CD36: variants seen among roughly 807,000 people sequenced by gnomAD.
The protein encoded by CD36 is platelet glycoprotein 4.
Under a neutral mutation model 55.2 loss-of-function variants are expected in CD36, and 119 were observed. The observed-to-expected ratio is 2.15, with a 90% confidence interval of 1.86 to 2.51. The LOEUF (loss-of-function observed/expected upper bound fraction) is 2.51, where lower values mean the gene tolerates loss of function less well. Among genes scored for constraint, CD36 ranks in the 30% most tolerant of loss-of-function variants. The pLI, the probability that CD36 is intolerant of heterozygous loss-of-function variation, is 0.00. For synonymous variants in CD36, 186 were observed against 193.6 expected (o/e 0.96, Z 0.33); for missense variants, 819 against 555.5 (o/e 1.47, Z -4.77).
intron 3 of CD36, 151 bp from the exon 4 acceptor site, chr7:80,656,389 G>C (rs1006418735): frequency 3.7e-5 from 24 of 647,620 alleles, no homozygotes; most frequent in Non-Finnish European, 6.4e-5. Context: ...CATTTCTGCT[G>C]CAAGTGTATG....
upstream of CD36, among the ~76,000 whole-genome samples, chr7:80,635,161 G>T (rs545962930): frequency 6.6e-6 from 1 of 152,046 alleles, no homozygotes; most frequent in Non-Finnish European, 1.5e-5. Context: ...GGGGATTGAG[G>T]CCTCTCATTG....
At position 80,672,764 on chromosome 7, in the gene CD36, TTTTAGATAACTGGATTCAC is replaced by T. The variant is rs1562825089; in HGVS notation, c.1126-1_1143del. On this transcript the variant is annotated splice_acceptor_variant and splice_polypyrimidine_tract_variant and coding_sequence_variant and intron_variant, in exon 12 of 15. Coordinates refer to ENST00000447544, the MANE Select transcript of CD36 (RefSeq NM_001001548.3). LOFTEE classifies it high-confidence loss of function. ...GTTGGTAATTATTTAGTTGTTCTCT[TTTTAGATAACTGGATTCAC>T]TTTACAATTTGCAAAACGGCTGCAG... 2.5e-6 allele frequency: 4 copies of T among 1,596,628 alleles called. No individual in the cohort carries two copies. The Admixed American group carries it at 6.7e-5, about 27-fold the overall frequency.
rs746478841 is a variant in CD36 at position 80,646,699 on chromosome 7, G to C, written c.-42G>C. ...TTTAATCATATCCAGGAGTTTGCAAGAAACAGGTGCTTAACACTAATTCAC... is the reference window on the plus strand; with the variant it reads ...TTTAATCATATCCAGGAGTTTGCAACAAACAGGTGCTTAACACTAATTCAC... On this transcript the variant is annotated 5_prime_UTR_variant, in exon 3 of 15. Transcript: ENST00000447544. The C allele has an allele frequency of 1.5e-5, 24 of 1,613,244 alleles. No homozygotes were observed. Among genetic ancestry groups the C allele is most frequent in the Non-Finnish European group, 1.9e-5 (22 of 1,179,422 alleles).
intron 6 of CD36, 93 bp from the exon 7 acceptor site, chr7:80,664,313 C>T: frequency 1.3e-6 from 1 of 756,654 alleles, no homozygotes; most frequent in East Asian, 2.5e-5. Context: ...ATTTGAGTAA[C>T]CAGTGATTGA....
chr7:80,646,283 T>C, intron 2 of CD36, 102 bp downstream of exon 2: 1 of 202,960 alleles, frequency 4.9e-6, no homozygotes, highest in African/African-American at 2.3e-5. Context: ...AGAAGGGGTG[T>C]GGAAGGTTGT....
At chr7:80,642,264 C>T (rs1487979793) in intron 1 of CD36, among the ~76,000 whole-genome samples, 2 of 152,026 alleles carry the variant, frequency 1.3e-5, no homozygotes, top group Admixed American at 6.6e-5. Context: ...GGACAAGTAA[C>T]AATTAGTAAA....
At chr7:80,664,377 A>T (rs1347940739) in intron 6 of CD36, 29 bp from the exon 7 acceptor site, 1 of 1,167,670 alleles carries the variant, frequency 8.6e-7, no homozygotes, top group Non-Finnish European at 1.3e-6. Context: ...GACTTGTAGA[A>T]GTAACATTTT....
At chr7:80,676,303 A>C (rs971196745) in intron 14 of CD36, 81 bp from the exon 15 acceptor site, 1 of 152,024 alleles carries the variant, frequency 6.6e-6, no homozygotes, top group Non-Finnish European at 1.5e-5. Context: ...TGTTATGAAA[A>C]TCTCTACCTT....
At chr7:80,669,450 A>T (rs1278623225) in intron 8 of CD36, among the ~76,000 whole-genome samples, 4 of 152,154 alleles carry the variant, frequency 2.6e-5, no homozygotes, top group African/African-American at 7.2e-5. Context: ...TGTTTGAGAC[A>T]AAGTTTTCCA....
chr7:80,616,861 T>C (rs79562947), intron 1 of CD36, among the ~76,000 whole-genome samples: 3,298 of 152,234 alleles, frequency 0.022, 127 homozygotes, highest in African/African-American at 0.075. Context: ...CTAACAACAG[T>C]AAGAAACAAG....
At chr7:80,623,166 A>G (rs1441047044) in intron 1 of CD36, among the ~76,000 whole-genome samples, 1 of 152,162 alleles carries the variant, frequency 6.6e-6, no homozygotes, top group Non-Finnish European at 1.5e-5. Context: ...AAAATAACTA[A>G]ATTTTGGACT....
At chr7:80,646,999 G>A (rs959587483) in intron 3 of CD36, 139 bp downstream of exon 3, 2 of 865,694 alleles carry the variant, frequency 2.3e-6, no homozygotes, top group Non-Finnish European at 1.9e-6. Context: ...ATGAACCACT[G>A]CAACTCTATA....
intron 3 of CD36, among the ~76,000 whole-genome samples, chr7:80,653,704 A>T (rs1490856745): frequency 6.6e-6 from 1 of 152,212 alleles, no homozygotes; most frequent in Admixed American, 6.5e-5. Context: ...AATTCAATTT[A>T]AAATCAAGTT....
intron 1 of CD36, among the ~76,000 whole-genome samples, chr7:80,615,211 A>T (rs1793080852): frequency 6.6e-6 from 1 of 152,176 alleles, no homozygotes; most frequent in South Asian, 2.1e-4. Flanking sequence ...CATCGAGCTG[A>T]ATTTCTCAAC....
rs1797581745 is a variant in CD36, at chr7:80,670,764, A to G, written c.819-213A>G. ...CCTGTGAGAAGTAACTTGAGTATAA[A>G]TAAACATGGTACTTCACAAACAAGA... is the stretch of plus-strand genomic sequence containing the variant. On this transcript the variant is annotated intron_variant, in intron 9 of 14. Transcript: ENST00000447544. 6 of 550,616 alleles carry G rather than the reference A, an allele frequency of 1.1e-5. No individual in the cohort carries two copies. In the East Asian group the frequency reaches 1.8e-4, roughly 17 times the overall value. The allele number at this position is 550,616 out of a possible 1,614,324, so 34.1% of individuals were successfully genotyped here. A position where few individuals can be genotyped will look rare whatever the true frequency, so the allele number is the denominator to read the frequency against.
intron 1 of CD36, among the ~76,000 whole-genome samples, chr7:80,619,024 ACT>A (rs1793316453): frequency 6.6e-6 from 1 of 152,232 alleles, no homozygotes; most frequent in East Asian, 1.9e-4. Context: ...GGACAGGCTG[ACT>A]CTCTAGTTAA....
rs2116956105 is a variant in CD36 at position 80,678,863 on chromosome 7, A to C, written c.*2480A>C. On this transcript the variant is annotated 3_prime_UTR_variant, in exon 15 of 15. Coordinates refer to ENST00000447544, the MANE Select transcript of CD36 (RefSeq NM_001001548.3). ...ATCTCAAAAAAAAAAAACAGTATGC[A>C]CGTACAAATTTCTTAACCTGTTATC... 2.6e-5 allele frequency: 4 copies of C among 151,182 alleles called. 1 individual carries two copies. The Middle Eastern group carries it at 0.01, about 388-fold the overall frequency. The allele number at this position is 151,182 out of a possible 1,614,324, so 9.4% of individuals were successfully genotyped here. A position where few individuals can be genotyped will look rare whatever the true frequency, so the allele number is the denominator to read the frequency against.
rs564971571 is a variant in CD36, at chr7:80,672,038, C to A, written c.1123C>A (p.Pro375Thr). 7 of 1,603,586 alleles carry A rather than the reference C, an allele frequency of 4.4e-6. No homozygotes were observed. Among genetic ancestry groups the A allele is most frequent in the South Asian group, 3.3e-5 (3 of 90,768 alleles). Reference protein sequence around the residue: ...EEHRTYLDIEPITGFTLQFAK... With the variant: ...EEHRTYLDIETITGFTLQFAK... ...ACATAGGACATACTTGGATATTGAACCTGTAAGAAAACACCTTATTGATCT... is the reference window on the plus strand; with the variant it reads ...ACATAGGACATACTTGGATATTGAAACTGTAAGAAAACACCTTATTGATCT... Residue 375 changes from proline to threonine, a missense_variant and splice_region_variant, in exon 11 of 15, where the codon CCT (proline) becomes ACT (threonine). Transcript: ENST00000447544.
At chr7:80,602,910 T>A (rs1385441293) in intron 1 of CD36, among the ~76,000 whole-genome samples, 1 of 152,152 alleles carries the variant, frequency 6.6e-6, no homozygotes, top group Non-Finnish European at 1.5e-5. Context: ...TGGCTTGCTG[T>A]CACAACTGAC....
Sources: gnomAD v4.1 joint callset for allele counts (sites outside exome capture counted in the v4.1 genomes callset) on GRCh38, gnomAD v4.1.1 for gene constraint, MANE v1.5 for transcripts, NCBI Gene and HGNC (gene_info 2026-07-23, HGNC 2026-07-21) for gene names.